MRO: variants seen among roughly 807,000 people sequenced by gnomAD.
MRO encodes the protein protein maestro.
MRO carries 28 observed loss-of-function variants against 31.0 expected under a neutral mutation model. The ratio of observed to expected loss-of-function variants is 0.90; its 90% CI spans 0.67 to 1.24. MRO has a LOEUF of 1.24. Among genes scored for constraint, MRO ranks in the 50% most tolerant of loss-of-function variants. The probability of loss-of-function intolerance (pLI) is 0.00; values close to 1 mark genes in which losing one functional copy is unlikely to be tolerated. For missense variants in MRO, 332 were observed against 289.2 expected (o/e 1.15, Z -1.07); for synonymous variants, 108 against 108.4 (o/e 1.00, Z 0.02).
At chr18:50,816,441 A>G (rs1044542424) in intron 2 of MRO, among the ~76,000 whole-genome samples, 1 of 152,242 alleles carries the variant, frequency 6.6e-6, no homozygotes, top group South Asian at 2.1e-4. Context: ...CAATATTTAT[A>G]TAGTTCAGTT....
chr18:50,824,529 ACTGCAACCT>A (rs1457970664), upstream of MRO, among the ~76,000 whole-genome samples: 11 of 146,512 alleles, frequency 7.5e-5, 1 homozygote, highest in Non-Finnish European at 1.3e-4. Flanking sequence ...ATCTCGGCTC[ACTGCAACCT>A]CTGCCTCCCG....
In MRO at chr18:50,805,278, A is replaced by T. The variant is rs761778460; in HGVS notation, c.305T>A (p.Val102Glu). 4.3e-6 allele frequency: 7 copies of T among 1,614,142 alleles called. No homozygotes were observed. The highest frequency in any genetic ancestry group is 5.1e-6 in the Non-Finnish European group (6 of 1,180,006). Residue 102 changes from valine to glutamate, a missense_variant, in exon 5 of 8, where the codon GTG becomes GAG. By Grantham distance (121) the Val-to-Glu change is moderately radical. Coordinates refer to ENST00000398439, the MANE Select transcript of MRO (RefSeq NM_031939.6). ...DLLVYGLYDP[V>E]NLEVIHESMK... ...ACTCTCATGGATGACTTCCAAATTC[A>T]CAGGGTCATACAGTCCATACACCAG...
chr18:50,799,949 CTCTT>C, intron 7 of MRO, 83 bp downstream of exon 7: 1 of 922,422 alleles, frequency 1.1e-6, no homozygotes, highest in South Asian at 1.5e-5. Context: ...AAGGGGGTAA[CTCTT>C]TCTTGTGCTT....
intron 2 of MRO, among the ~76,000 whole-genome samples, chr18:50,818,038 C>T (rs1382203072): frequency 6.9e-6 from 1 of 144,698 alleles, no homozygotes; most frequent in Non-Finnish European, 1.5e-5. Context: ...TGCCTCCCTC[C>T]TTTCTAAAAC....
chr18:50,821,351 T>C (rs1000579041), upstream of MRO, among the ~76,000 whole-genome samples: 4 of 152,154 alleles, frequency 2.6e-5, no homozygotes, highest in African/African-American at 9.7e-5. Flanking sequence ...GAGATGAAGA[T>C]ACATCAACAC....
At chr18:50,819,337 T>C in intron 2 of MRO, 1 of 703,718 alleles carries the variant, frequency 1.4e-6, no homozygotes, top group Non-Finnish European at 1.7e-6. Flanking sequence ...TTGCTGACAA[T>C]AGAATGATCT....
intron 5 of MRO, among the ~76,000 whole-genome samples, chr18:50,803,587 C>A (rs1001349812): frequency 6.6e-6 from 1 of 152,198 alleles, no homozygotes; most frequent in African/African-American, 2.4e-5. Context: ...AGAGCCATCT[C>A]CCCGGAGACA....
chr18:50,805,135 A>T lies in MRO; in HGVS notation c.429+19T>A. ...CCCATTTTGATTTCAATAACCCAGA[A>T]TTTTTCTGATTTACTTACGTCATCT... On this transcript the variant is annotated intron_variant, in intron 5 of 7. Coordinates refer to ENST00000398439, the MANE Select transcript of MRO (RefSeq NM_031939.6). 2 of 1,600,718 alleles carry T rather than the reference A, an allele frequency of 1.2e-6. No individual in the cohort carries two copies. Among genetic ancestry groups the T allele is most frequent in the Non-Finnish European group, 1.7e-6 (2 of 1,168,816 alleles).
chr18:50,806,780 G>A lies in MRO; in HGVS notation c.170C>T (p.Ala57Val), dbSNP rs1043826088. The A allele has an allele frequency of 1.2e-6, 2 of 1,614,072 alleles. No homozygotes were observed. The highest frequency in any genetic ancestry group is 1.7e-6 in the Non-Finnish European group (2 of 1,180,008). Residue 57 changes from alanine to valine, a missense_variant, in exon 4 of 8, where the codon GCT (alanine) becomes GTT (valine). Transcript: ENST00000398439. The stretch of plus-strand genomic sequence containing the variant: ...ACGCTTTTTAGCACTGGGGTCCCGA[G>A]CTCTTTCTGCCAAGATGAAAAACAC... ...KNVFFILAER[A>V]RDPSAKKRHM...
At chr18:50,822,614 G>C (rs897994071), upstream of MRO, among the ~76,000 whole-genome samples, 4 of 152,024 alleles carry the variant, frequency 2.6e-5, no homozygotes, top group Non-Finnish European at 4.4e-5. Context: ...TGAGCCACTG[G>C]GCCCTGCCAG....
chr18:50,800,683 G>A (rs146476586), intron 6 of MRO, among the ~76,000 whole-genome samples: 155 of 152,182 alleles, frequency 1.0e-3, no homozygotes, highest in Non-Finnish European at 2.0e-3. Flanking sequence ...TCAGGAGTTC[G>A]AGACCAGCCT....
At chr18:50,820,926 TAAG>T (rs1003984750), upstream of MRO, among the ~76,000 whole-genome samples, 25 of 152,100 alleles carry the variant, frequency 1.6e-4, no homozygotes, top group African/African-American at 5.3e-4. Flanking sequence ...GCTGAGAAAA[TAAG>T]AAGAATGAGG....
rs769762513 is a variant in MRO, at chr18:50,796,364, C to G, written c.*2973G>C. Reference sequence around the variant, plus strand: ...GGGAGATACAATGATGTACAAGATACAGCCCTGCCTTCTGTAGTTTCAATC... The same window carrying G: ...GGGAGATACAATGATGTACAAGATAGAGCCCTGCCTTCTGTAGTTTCAATC... On this transcript the variant is annotated 3_prime_UTR_variant, in exon 8 of 8. Transcript: ENST00000398439. The G allele has an allele frequency of 6.6e-6, 1 of 150,768 alleles. No individual in the cohort carries two copies. The highest frequency in any genetic ancestry group is 1.5e-5 in the Non-Finnish European group (1 of 67,860). 9.3% of individuals were successfully genotyped at this position (150,768 alleles called of 1,614,324 possible).
Position 50,806,868 on chromosome 18 carries a change from A to C in MRO, c.100-18T>G. ...CAAGAGACCTGGGTGATGGGTCAAA[A>C]ATGTATTAATTTGGGAGTGTTCAGA... On this transcript the variant is annotated intron_variant, in intron 3 of 7. Coordinates refer to ENST00000398439, the MANE Select transcript of MRO (RefSeq NM_031939.6). 1.2e-6 allele frequency: 2 copies of C among 1,613,528 alleles called. No individual in the cohort carries two copies. The highest frequency in any genetic ancestry group is 1.7e-6 in the Non-Finnish European group (2 of 1,179,704).
chr18:50,808,807 T>C (rs1325455421), intron 3 of MRO, among the ~76,000 whole-genome samples: 2 of 151,646 alleles, frequency 1.3e-5, no homozygotes, highest in Admixed American at 1.3e-4. Context: ...ATTCTCAACT[T>C]ATCTTCCTGT....
intron 2 of MRO, among the ~76,000 whole-genome samples, chr18:50,816,722 A>G (rs957324680): frequency 6.6e-5 from 10 of 152,334 alleles, no homozygotes; most frequent in African/African-American, 2.4e-4. Flanking sequence ...TTAAATTAGC[A>G]TATTTATGAA....
chr18:50,817,299 T>C (rs1449701549), intron 2 of MRO, among the ~76,000 whole-genome samples: 1 of 152,052 alleles, frequency 6.6e-6, no homozygotes, highest in African/African-American at 2.4e-5. Flanking sequence ...TCAGTGTTGG[T>C]TGCACCTTCT....
At chr18:50,806,595 G>A (rs570555133) in intron 4 of MRO, 109 bp downstream of exon 4, 7 of 1,324,836 alleles carry the variant, frequency 5.3e-6, no homozygotes, top group African/African-American at 4.4e-5. Context: ...TTGTTCCGGG[G>A]TGATAGATAA....
chr18:50,800,885 A>C (rs1202811519), intron 6 of MRO, among the ~76,000 whole-genome samples: 2 of 46,094 alleles, frequency 4.3e-5, no homozygotes, highest in Non-Finnish European at 5.9e-5. Flanking sequence ...AAACTGTCTC[A>C]AAAAAAAAAA....
Sources: allele counts gnomAD v4.1 joint callset (sites outside exome capture counted in the v4.1 genomes callset), GRCh38; gene constraint gnomAD v4.1.1; transcripts MANE v1.5; gene names NCBI Gene and HGNC (gene_info 2026-07-23, HGNC 2026-07-21).